The following ANKRD13C variants were observed in gnomAD, a reference collection of about 807,000 sequenced individuals.
The protein encoded by ANKRD13C is ankyrin repeat domain-containing protein 13C.
ANKRD13C carries 16 observed loss-of-function variants against 65.5 expected under a neutral mutation model. The ratio of observed to expected loss-of-function variants is 0.24; its 90% CI spans 0.17 to 0.37. The LOEUF is 0.37. Among genes scored for constraint, ANKRD13C ranks in the 10% least tolerant of loss-of-function variants. ANKRD13C has a pLI of 1.00. For synonymous variants in ANKRD13C, 235 were observed against 238.7 expected, an observed-to-expected ratio of 0.98 and a Z score of 0.14; for missense variants, 503 against 655.9, an observed-to-expected ratio of 0.77 and a Z score of 2.55.
chr1:70,335,980 G>A, intron 2 of ANKRD13C, 78 bp downstream of exon 2: 1 of 440,076 alleles, frequency 2.3e-6, no homozygotes, highest in Non-Finnish European at 3.8e-6. Context: ...AAACTCAAAA[G>A]ACAAAACTGA....
chr1:70,265,403 A>G (rs559466431), intron 12 of ANKRD13C, among the ~76,000 whole-genome samples: 5 of 152,314 alleles, frequency 3.3e-5, no homozygotes, highest in African/African-American at 1.2e-4. Flanking sequence ...AAAAACAGAA[A>G]AGTTTCTACT....
intron 2 of ANKRD13C, among the ~76,000 whole-genome samples, chr1:70,325,800 A>T (rs967542246): frequency 3.9e-5 from 6 of 152,104 alleles, no homozygotes; most frequent in Admixed American, 1.3e-4. Context: ...AATCGCTTGA[A>T]CCCGGGAGGC....
chr1:70,300,767 A>C lies in ANKRD13C; in HGVS notation c.918T>G (p.His306Gln), dbSNP rs377512996. The change falls in exon 7 of 13, where the codon CAT becomes CAG. Residue 306 changes from histidine to glutamine, a missense_variant. His to Gln is a conservative substitution (Grantham distance 24, BLOSUM62 0). This residue lies in a region of ANKRD13C where 300 missense variants were observed against 478.3 expected (regional missense o/e 0.63). Coordinates refer to ENST00000370944, the MANE Select transcript of ANKRD13C (RefSeq NM_030816.5). ...NEQKVYQRIHHEESEMETEEE... is the reference protein window; with the variant it reads ...NEQKVYQRIHQEESEMETEEE... ...ATTGATAAGACAACATGCTCACCTC[A>C]TGATGTATTCGCTGATAAACTTTTT... The C allele has an allele frequency of 1.1e-4, 171 of 1,606,378 alleles. No homozygotes were observed. The highest frequency in any genetic ancestry group is 1.4e-4 in the Non-Finnish European group (160 of 1,177,346).
chr1:70,326,009 A>G (rs1238775317), intron 2 of ANKRD13C, among the ~76,000 whole-genome samples: 1 of 152,150 alleles, frequency 6.6e-6, no homozygotes. Flanking sequence ...AAGTGGGCCG[A>G]TCACCTGAGG....
At chr1:70,306,364 G>A in intron 5 of ANKRD13C, 74 bp from the exon 6 acceptor site, 2 of 865,986 alleles carry the variant, frequency 2.3e-6, no homozygotes, top group Admixed American at 2.4e-5. Flanking sequence ...TAAATTAAAA[G>A]AGTAATGTGA....
intron 1 of ANKRD13C, among the ~76,000 whole-genome samples, chr1:70,352,158 T>G (rs559214018): frequency 3.3e-5 from 5 of 151,664 alleles, no homozygotes; most frequent in Admixed American, 1.3e-4. Context: ...GCTCACACAG[T>G]GAAACCCCGT....
At chr1:70,326,004 G>A (rs1162871390) in intron 2 of ANKRD13C, among the ~76,000 whole-genome samples, 1 of 152,000 alleles carries the variant, frequency 6.6e-6, no homozygotes, top group Non-Finnish European at 1.5e-5. Flanking sequence ...GGCTGAAGTG[G>A]GCCGATCACC....
chr1:70,330,656 G>A (rs1681755052), intron 2 of ANKRD13C, among the ~76,000 whole-genome samples: 1 of 149,080 alleles, frequency 6.7e-6, no homozygotes, highest in South Asian at 2.1e-4. Context: ...GAACCAGTGA[G>A]AAAAATAGGA....
chr1:70,325,017 A>C, intron 2 of ANKRD13C, 60 bp from the exon 3 acceptor site: 1 of 1,151,890 alleles, frequency 8.7e-7, no homozygotes, highest in Non-Finnish European at 1.2e-6. Flanking sequence ...CTCTAAATAT[A>C]AATATATAAA....
chr1:70,310,060 C>A (rs4650038), intron 5 of ANKRD13C, among the ~76,000 whole-genome samples: 16,935 of 151,992 alleles, frequency 0.11, 1,177 homozygotes, highest in East Asian at 0.35. Context: ...ACTTAGGGGT[C>A]GGTATTTCTG....
chr1:70,339,267 C>T (rs1180767885), intron 1 of ANKRD13C, among the ~76,000 whole-genome samples: 3 of 148,070 alleles, frequency 2.0e-5, no homozygotes, highest in Admixed American at 1.3e-4. Flanking sequence ...GACAAAAGGT[C>T]AACACCAACT....
intron 4 of ANKRD13C, 110 bp downstream of exon 4, chr1:70,315,371 T>C (rs1681031545): frequency 1.3e-6 from 1 of 780,892 alleles, no homozygotes; most frequent in South Asian, 2.0e-5. Context: ...ATTTTTACCA[T>C]TTTTTGGCCC....
At chr1:70,307,007 T>C (rs1422732369) in intron 5 of ANKRD13C, among the ~76,000 whole-genome samples, 1 of 152,064 alleles carries the variant, frequency 6.6e-6, no homozygotes, top group African/African-American at 2.4e-5. Context: ...ATGAAAGAAA[T>C]GTGAAGCTCA....
At chr1:70,312,582 T>C (rs1371824045) in intron 5 of ANKRD13C, among the ~76,000 whole-genome samples, 3 of 151,870 alleles carry the variant, frequency 2.0e-5, no homozygotes, top group Non-Finnish European at 2.9e-5. Context: ...CCTATTCTAC[T>C]GACTTTGAAT....
intron 6 of ANKRD13C, chr1:70,305,979 A>G (rs910867218): frequency 4.6e-6 from 1 of 218,242 alleles, no homozygotes; most frequent in African/African-American, 2.3e-5. Flanking sequence ...TAAGAATAAT[A>G]TCTTTGCTTT....
rs1678469195 is a variant in ANKRD13C at position 70,263,339 on chromosome 1, AAC to A, written c.1496-494_1496-493del. Among the ~76,000 whole-genome samples the A allele has an allele frequency of 2.6e-5, 4 of 152,296 alleles. No individual in the cohort carries two copies. In the South Asian group the frequency reaches 6.2e-4, roughly 24 times the overall value. ...CTATCACTTAAATGTGTGGGATAAA[AAC>A]AGTCTCATCAGAAATGGAAAAATAT... is the stretch of plus-strand genomic sequence containing the variant. On this transcript the variant is annotated intron_variant, in intron 12 of 12. Coordinates refer to ENST00000370944, the MANE Select transcript of ANKRD13C (RefSeq NM_030816.5).
At chr1:70,337,366 G>C (rs1301427208) in intron 1 of ANKRD13C, among the ~76,000 whole-genome samples, 2 of 152,100 alleles carry the variant, frequency 1.3e-5, no homozygotes, top group African/African-American at 4.8e-5. Context: ...GATCACCCGA[G>C]GTCAAGAGTT....
At chr1:70,309,715 C>CA (rs1165416550) in intron 5 of ANKRD13C, among the ~76,000 whole-genome samples, 83 of 138,836 alleles carry the variant, frequency 6.0e-4, no homozygotes, top group South Asian at 1.8e-3. Flanking sequence ...GACTCCGTCG[C>CA]AAAAAAAAAA....
At chr1:70,265,706 T>C (rs1678586219) in intron 12 of ANKRD13C, among the ~76,000 whole-genome samples, 1 of 150,724 alleles carries the variant, frequency 6.6e-6, no homozygotes, top group African/African-American at 2.4e-5. Context: ...ATGTCTGTGG[T>C]CCCAGCTACT....
Sources: allele counts gnomAD v4.1 joint callset (sites outside exome capture counted in the v4.1 genomes callset), GRCh38; gene constraint gnomAD v4.1.1; regional missense constraint gnomAD v4.1.1; transcripts MANE v1.5; gene names NCBI Gene and HGNC (gene_info 2026-07-23, HGNC 2026-07-21).